The following TSPAN5 variants were observed in gnomAD, a reference collection of about 807,000 sequenced individuals.
The protein encoded by TSPAN5 is tetraspanin-5.
A neutral mutation model predicts 37.1 loss-of-function variants in TSPAN5; 10 were observed. That is an observed-to-expected ratio of 0.27 (90% CI 0.17 to 0.46). TSPAN5 has a LOEUF of 0.46. Ranked by LOEUF, TSPAN5 falls within the 20% of genes least tolerant of loss-of-function variation. The pLI, the probability that TSPAN5 is intolerant of heterozygous loss-of-function variation, is 1.00. For synonymous variants in TSPAN5, 110 were observed against 118.9 expected (o/e 0.93, Z 0.48); for missense variants, 195 against 326.6 (o/e 0.60, Z 3.11).
chr4:98,487,627 T>C (rs1328491207), intron 2 of TSPAN5, among the ~76,000 whole-genome samples: 4 of 152,144 alleles, frequency 2.6e-5, no homozygotes, highest in Admixed American at 2.6e-4. Context: ...GAGACCTTTA[T>C]TAGGCTGAGA....
chr4:98,607,459 T>A (rs1019582800), intron 1 of TSPAN5, among the ~76,000 whole-genome samples: 1 of 152,192 alleles, frequency 6.6e-6, no homozygotes, highest in Non-Finnish European at 1.5e-5. Context: ...AATTCTAACA[T>A]CCACTGTGTT....
intron 1 of TSPAN5, among the ~76,000 whole-genome samples, chr4:98,536,896 C>T (rs1040877716): frequency 6.6e-6 from 1 of 152,150 alleles, no homozygotes; most frequent in Admixed American, 6.5e-5. Flanking sequence ...GTGCTGGCAG[C>T]GAGGATTTCA....
intron 1 of TSPAN5, among the ~76,000 whole-genome samples, chr4:98,536,614 G>A (rs1178893374): frequency 2.0e-5 from 3 of 152,174 alleles, no homozygotes; most frequent in South Asian, 2.1e-4. Flanking sequence ...CCCTTTCCCC[G>A]GGTGCTCTGT....
chr4:98,626,886 G>GTTT (rs34770397), intron 1 of TSPAN5, among the ~76,000 whole-genome samples: 168 of 83,440 alleles, frequency 2.0e-3, no homozygotes, highest in East Asian at 3.0e-3. Flanking sequence ...ATGAGAGCAG[G>GTTT]TTTTTTTTTT....
At chr4:98,633,701 C>A (rs1756794893) in intron 1 of TSPAN5, among the ~76,000 whole-genome samples, 1 of 152,148 alleles carries the variant, frequency 6.6e-6, no homozygotes, top group African/African-American at 2.4e-5. Context: ...AAGACTGGAT[C>A]GTCATGAAAT....
chr4:98,582,193 C>A (rs62323632), intron 1 of TSPAN5, among the ~76,000 whole-genome samples: 17 of 152,308 alleles, frequency 1.1e-4, no homozygotes, highest in South Asian at 8.3e-4. Flanking sequence ...TCTTGTCCAG[C>A]GCATAGCCGC....
intron 1 of TSPAN5, among the ~76,000 whole-genome samples, chr4:98,510,502 G>T (rs1434939105): frequency 6.6e-6 from 1 of 152,162 alleles, no homozygotes; most frequent in Non-Finnish European, 1.5e-5. Context: ...AAAGAACAGA[G>T]AAATTCAATG....
chr4:98,641,154 CCT>C (rs1756956048), intron 1 of TSPAN5, among the ~76,000 whole-genome samples: 1 of 152,148 alleles, frequency 6.6e-6, no homozygotes, highest in Middle Eastern at 3.4e-3. Flanking sequence ...GTAAATATCC[CCT>C]CTTTTTATAT....
chr4:98,585,594 G>T (rs1755469965), intron 1 of TSPAN5, among the ~76,000 whole-genome samples: 1 of 152,206 alleles, frequency 6.6e-6, no homozygotes, highest in Non-Finnish European at 1.5e-5. Flanking sequence ...AAAGGCGTGA[G>T]CCACTGCGCC....
In TSPAN5 at chr4:98,651,604, C is replaced by T. The variant is rs969943516; in HGVS notation, c.81+6542G>A. Among the ~76,000 whole-genome samples, 6 of 152,260 alleles carry T rather than the reference C, an allele frequency of 3.9e-5. No homozygotes were observed. In the South Asian group the frequency reaches 1.2e-3, roughly 32 times the overall value. ...ACAGGATAAAAACAGGTTCTCTATACTACTTGCAATTTTCCTATTGGTTTA... is the reference window on the plus strand; with the variant it reads ...ACAGGATAAAAACAGGTTCTCTATATTACTTGCAATTTTCCTATTGGTTTA... On this transcript the variant is annotated intron_variant, in intron 1 of 7. Coordinates refer to ENST00000305798, the MANE Select transcript of TSPAN5 (RefSeq NM_005723.4).
chr4:98,626,598 G>C (rs1389466669), intron 1 of TSPAN5, among the ~76,000 whole-genome samples: 2 of 151,852 alleles, frequency 1.3e-5, no homozygotes, highest in Non-Finnish European at 2.9e-5. Flanking sequence ...GGCCCACCTG[G>C]TGCAGCAGAA....
At position 98,506,791 on chromosome 4, in the gene TSPAN5, G is replaced by A. The variant is rs573662406; in HGVS notation, c.132+887C>T. ...TATACATCCCCTTGTCCTTACGTGGGAGATAATAAAGCTTTTGTGTATAGC... is the reference window on the plus strand; with the variant it reads ...TATACATCCCCTTGTCCTTACGTGGAAGATAATAAAGCTTTTGTGTATAGC... On this transcript the variant is annotated intron_variant, in intron 2 of 7. Coordinates refer to ENST00000305798, the MANE Select transcript of TSPAN5 (RefSeq NM_005723.4). Among the ~76,000 whole-genome samples the A allele has an allele frequency of 4.7e-4, 71 of 152,218 alleles. 1 individual carries two copies. The highest frequency in any genetic ancestry group is 1.6e-3 in the African/African-American group (67 of 41,546).
intron 1 of TSPAN5, among the ~76,000 whole-genome samples, chr4:98,551,492 C>T (rs867997203): frequency 1.7e-4 from 16 of 92,210 alleles, no homozygotes; most frequent in East Asian, 3.3e-4. Flanking sequence ...TTTTTCTTTT[C>T]TTTTTTTTTT....
At chr4:98,544,744 G>A (rs1485711399) in intron 1 of TSPAN5, among the ~76,000 whole-genome samples, 6 of 152,178 alleles carry the variant, frequency 3.9e-5, no homozygotes, top group African/African-American at 1.4e-4. Flanking sequence ...CATCTTAGCA[G>A]TGATCAGGAA....
intron 1 of TSPAN5, among the ~76,000 whole-genome samples, chr4:98,615,010 C>T (rs1756288463): frequency 1.3e-5 from 2 of 152,146 alleles, no homozygotes; most frequent in Admixed American, 1.3e-4. Flanking sequence ...GAGATGATGC[C>T]AACTAGCTAG....
Position 98,610,611 on chromosome 4 carries a change from C to T in TSPAN5, c.81+47535G>A, listed in dbSNP as rs77737855. Among the ~76,000 whole-genome samples, 1,281 of 152,294 alleles carry T rather than the reference C, an allele frequency of 8.4e-3. 26 individuals are homozygous for T. Among genetic ancestry groups the T allele is most frequent in the African/African-American group, 0.029 (1,206 of 41,558 alleles). ...AGCACCCAGGCAAAGAACTGGCGCT[C>T]AGCACGTATCTGTCGAGTGAATGAA... On this transcript the variant is annotated intron_variant, in intron 1 of 7. Coordinates refer to ENST00000305798, the MANE Select transcript of TSPAN5 (RefSeq NM_005723.4).
In TSPAN5 at chr4:98,497,186, G is replaced by A. The variant is rs376465848; in HGVS notation, c.133-10302C>T. Among the ~76,000 whole-genome samples the A allele has an allele frequency of 1.3e-4, 19 of 151,952 alleles. No homozygotes were observed. In the East Asian group the frequency reaches 3.5e-3, roughly 28 times the overall value. ...CTAAAAATACAAAAATCAGCCAGGCGTGCGCCTTGTAGTCCCAGCTACTCG... is the reference window on the plus strand; with the variant it reads ...CTAAAAATACAAAAATCAGCCAGGCATGCGCCTTGTAGTCCCAGCTACTCG... On this transcript the variant is annotated intron_variant, in intron 2 of 7. Coordinates refer to ENST00000305798, the MANE Select transcript of TSPAN5 (RefSeq NM_005723.4).
intron 1 of TSPAN5, among the ~76,000 whole-genome samples, chr4:98,530,710 CA>C (rs1282941464): frequency 2.8e-5 from 4 of 144,512 alleles, no homozygotes; most frequent in African/African-American, 1.1e-4. Context: ...TAAGATTACA[CA>C]ACATATACAC....
chr4:98,497,678 T>C (rs2110276312), intron 2 of TSPAN5, among the ~76,000 whole-genome samples: 1 of 148,892 alleles, frequency 6.7e-6, no homozygotes, highest in Admixed American at 6.8e-5. Context: ...TTCATGAGGA[T>C]CACCTGTGAG....
Sources: allele counts gnomAD v4.1 joint callset (sites outside exome capture counted in the v4.1 genomes callset), GRCh38; gene constraint gnomAD v4.1.1; transcripts MANE v1.5; gene names NCBI Gene and HGNC (gene_info 2026-07-23, HGNC 2026-07-21).